The following TFG variants were observed in gnomAD, a reference collection of about 807,000 sequenced individuals.
The protein encoded by TFG is trafficking from ER to golgi regulator, also known as protein TFG.
In TFG, 22 loss-of-function variants were observed where a neutral mutation model predicts 51.4. The ratio of observed to expected loss-of-function variants is 0.43; its 90% CI spans 0.31 to 0.61. TFG has a LOEUF of 0.61. TFG is among the 20% of genes least tolerant of loss of function. The pLI is 0.12. For missense variants in TFG, 419 were observed against 487.7 expected (o/e 0.86, Z 1.33); for synonymous variants, 187 against 165.6 (o/e 1.13, Z -0.99).
In TFG at chr3:100,748,448, C is replaced by A. The variant is rs781504257; in HGVS notation, c.1120C>A (p.Pro374Thr). 9 of 1,614,148 alleles carry A rather than the reference C, an allele frequency of 5.6e-6. No individual in the cohort carries two copies. Among genetic ancestry groups the A allele is most frequent in the Non-Finnish European group, 7.6e-6 (9 of 1,180,010 alleles). ...TSLPGSTMTP[P>T]PSGPNPYARN... ...ACTTCCTGGAAGTACCATGACCCCT[C>A]CTCCAAGTGGGCCTAATCCTTATGC... Residue 374 changes from proline to threonine, a missense_variant, in exon 8 of 8, where the codon CCT becomes ACT. Transcript: ENST00000240851.
At chr3:100,735,195 A>T (rs576014877) in intron 5 of TFG, among the ~76,000 whole-genome samples, 1 of 152,320 alleles carries the variant, frequency 6.6e-6, no homozygotes, top group East Asian at 1.9e-4. Context: ...GGCAATCATC[A>T]GTCTCTCTTG....
chr3:100,726,010 G>A (rs9853496), intron 3 of TFG, among the ~76,000 whole-genome samples: 2 of 152,118 alleles, frequency 1.3e-5, no homozygotes, highest in Non-Finnish European at 2.9e-5. Context: ...GGCGAAGTCC[G>A]GTGATAGGCC....
chr3:100,739,350 A>G (rs1165026752), intron 6 of TFG, among the ~76,000 whole-genome samples: 1 of 152,144 alleles, frequency 6.6e-6, no homozygotes, highest in African/African-American at 2.4e-5. Context: ...TAGTCTTAAT[A>G]TGTTTTTCAG....
At chr3:100,731,851 C>A (rs1437102263) in intron 4 of TFG, among the ~76,000 whole-genome samples, 1 of 152,068 alleles carries the variant, frequency 6.6e-6, no homozygotes, top group Admixed American at 6.6e-5. Flanking sequence ...CCCGGCTCCC[C>A]TCCTGTATTA....
At chr3:100,737,094 TA>T (rs141678323) in intron 6 of TFG, among the ~76,000 whole-genome samples, 4,530 of 152,286 alleles carry the variant, frequency 0.03, 184 homozygotes, top group African/African-American at 0.092. Context: ...TTTTCTAATT[TA>T]AAAAAGATTT....
At chr3:100,732,179 G>A (rs933563773) in intron 4 of TFG, among the ~76,000 whole-genome samples, 23 of 151,118 alleles carry the variant, frequency 1.5e-4, no homozygotes, top group African/African-American at 5.1e-4. Context: ...TAGGTTATTG[G>A]GCTCCAAAAA....
chr3:100,736,576 G>C lies in TFG; in HGVS notation c.581G>C (p.Gly194Ala). The C allele has an allele frequency of 1.2e-6, 2 of 1,613,528 alleles. No individual in the cohort carries two copies. Among genetic ancestry groups the C allele is most frequent in the African/African-American group, 2.7e-5 (2 of 74,918 alleles). The change falls in exon 6 of 8, where the codon GGG becomes GCG. Residue 194 changes from glycine (G) to alanine (A), a missense_variant and splice_region_variant. By Grantham distance (60) the Gly-to-Ala change is moderately conservative. Coordinates refer to ENST00000240851, the MANE Select transcript of TFG (RefSeq NM_006070.6). ...AACTGACTTTTTTTTGACTATCCAGGGCCACCCAGTGCTCCTGCAGAAGAT... is the reference window on the plus strand; with the variant it reads ...AACTGACTTTTTTTTGACTATCCAGCGCCACCCAGTGCTCCTGCAGAAGAT... ...AFGLTDDQVS[G>A]PPSAPAEDRS...
chr3:100,747,952 T>TA (rs1234749078), intron 7 of TFG, among the ~76,000 whole-genome samples, 197 bp from the exon 8 acceptor site: 1 of 152,162 alleles, frequency 6.6e-6, no homozygotes, highest in Non-Finnish European at 1.5e-5. Flanking sequence ...TTAGAGAGTT[T>TA]AAAAAATTGT....
rs1384258269 is a variant in TFG at position 100,748,492 on chromosome 3, T to G, written c.1164T>G (p.Phe388Leu). The G allele has an allele frequency of 1.2e-6, 2 of 1,614,056 alleles. No homozygotes were observed. The highest frequency in any genetic ancestry group is 1.7e-6 in the Non-Finnish European group (2 of 1,179,966). The change falls in exon 8 of 8, where the codon TTT becomes TTG. Residue 388 changes from phenylalanine to leucine, a missense_variant. Transcript: ENST00000240851. ...PNPYARNRPP[F>L]GQGYTQPGPG... The stretch of plus-strand genomic sequence containing the variant: ...CTTATGCGCGTAACCGTCCTCCCTT[T>G]GGTCAGGGCTATACCCAACCTGGAC...
rs140174542 is a variant in TFG at position 100,720,046 on chromosome 3, C to G, written c.256C>G (p.Leu86Val). 1.8e-5 allele frequency: 28 copies of G among 1,557,116 alleles called. No homozygotes were observed. The Admixed American group carries it at 4.5e-4, about 25-fold the overall frequency. ...AATTCAGTGCAGTAGGATACTGAAA[C>G]TGACATTATTTGGTGAGTAGTAAAC... ...FAIQCSRILK[L>V]TLFVNGQPRP... The change falls in exon 3 of 8, where the codon CTG becomes GTG. Residue 86 changes from leucine to valine, a missense_variant. Physicochemically the swap from Leu to Val is conservative, Grantham distance 32. Transcript: ENST00000240851.
chr3:100,739,689 A>G (rs573620695), intron 6 of TFG, among the ~76,000 whole-genome samples: 5 of 152,288 alleles, frequency 3.3e-5, no homozygotes, highest in Admixed American at 6.5e-5. Context: ...ACACTTACCA[A>G]TATTTTGGCA....
chr3:100,719,924 T>C, intron 2 of TFG, 51 bp from the exon 3 acceptor site: 1 of 1,205,814 alleles, frequency 8.3e-7, no homozygotes, highest in Non-Finnish European at 1.2e-6. Flanking sequence ...CTTATACAAA[T>C]CTGAAAATTT....
intron 7 of TFG, chr3:100,747,341 C>T (rs62274049): frequency 7.3e-6 from 1 of 137,796 alleles, no homozygotes; most frequent in African/African-American, 2.5e-5. Context: ...TTCATTCAAT[C>T]CTTTTTTTTT....
Position 100,736,636 on chromosome 3 carries a change from C to T in TFG, c.641C>T (p.Ser214Phe), listed in dbSNP as rs1043185982. 2 of 1,613,894 alleles carry T rather than the reference C, an allele frequency of 1.2e-6. No homozygotes were observed. Among genetic ancestry groups the T allele is most frequent in the Non-Finnish European group, 1.7e-6 (2 of 1,179,978 alleles). The change falls in exon 6 of 8, where the codon TCC becomes TTC. Residue 214 changes from serine to phenylalanine, a missense_variant. Coordinates refer to ENST00000240851, the MANE Select transcript of TFG (RefSeq NM_006070.6). ...SGTPDSIASS[S>F]SAAHPPGVQP... is the part of the protein sequence containing the mutation. ...ACACCCGACAGCATTGCTTCCTCCT[C>T]CTCAGCAGCTCACCCACCAGGCGTT...
intron 1 of TFG, 171 bp downstream of exon 1, chr3:100,709,892 G>A (rs2095024738): frequency 8.0e-6 from 1 of 124,370 alleles, no homozygotes. Context: ...GAGGGAGGAC[G>A]AGGCCGGGGG....
At chr3:100,729,098 G>A (rs2095084304) in intron 4 of TFG, among the ~76,000 whole-genome samples, 1 of 152,118 alleles carries the variant, frequency 6.6e-6, no homozygotes, top group Non-Finnish European at 1.5e-5. Context: ...GTAGCACCTG[G>A]AAATCCCATT....
Position 100,748,747 on chromosome 3 carries a change from A to G in TFG, c.*216A>G, listed in dbSNP as rs2149107980. The G allele has an allele frequency of 1.8e-6, 1 of 547,762 alleles. No individual in the cohort carries two copies. The highest frequency in any genetic ancestry group is 3.0e-5 in the East Asian group (1 of 32,792). The allele number at this position is 547,762 out of a possible 1,614,324, so 33.9% of individuals were successfully genotyped here. Reference sequence around the variant, plus strand: ...CTGCTTAAAAATGTAGCAGCTTCTTAGTTACTTTGGAACACTACTCTTACA... The same window carrying G: ...CTGCTTAAAAATGTAGCAGCTTCTTGGTTACTTTGGAACACTACTCTTACA... On this transcript the variant is annotated 3_prime_UTR_variant, in exon 8 of 8. Coordinates refer to ENST00000240851, the MANE Select transcript of TFG (RefSeq NM_006070.6).
At chr3:100,723,005 T>G (rs1473449083) in intron 3 of TFG, among the ~76,000 whole-genome samples, 1 of 152,154 alleles carries the variant, frequency 6.6e-6, no homozygotes. Context: ...ACAGAAAAAG[T>G]CAAGGAAGCT....
At chr3:100,723,447 C>T (rs1295793530) in intron 3 of TFG, among the ~76,000 whole-genome samples, 4 of 152,056 alleles carry the variant, frequency 2.6e-5, no homozygotes, top group South Asian at 2.1e-4. Context: ...CTACATATAT[C>T]GGTTAAAATA....
Sources: gnomAD v4.1 joint callset for allele counts (sites outside exome capture counted in the v4.1 genomes callset) on GRCh38, gnomAD v4.1.1 for gene constraint, MANE v1.5 for transcripts, NCBI Gene and HGNC (gene_info 2026-07-23, HGNC 2026-07-21) for gene names.